Variants in RBFOX1 observed in about 807,000 individuals in gnomAD.
RBFOX1 encodes RNA binding fox-1 homolog 1, also known as RNA binding protein fox-1 homolog 1.
In RBFOX1, 8 loss-of-function variants were observed where a neutral mutation model predicts 57.7. That is an observed-to-expected ratio of 0.14 (90% CI 0.08 to 0.25). The LOEUF (loss-of-function observed/expected upper bound fraction) is 0.25, where lower values mean the gene tolerates loss of function less well. Among genes scored for constraint, RBFOX1 ranks in the 10% least tolerant of loss-of-function variants. RBFOX1 has a pLI of 1.00. For missense variants in RBFOX1, 611 were observed against 548.5 expected (o/e 1.11, Z -1.14); for synonymous variants, 326 against 222.4 (o/e 1.47, Z -4.15).
intron 1 of RBFOX1, among the ~76,000 whole-genome samples, chr16:6,054,992 C>A (rs1567344139): frequency 6.6e-6 from 1 of 151,944 alleles, no homozygotes; most frequent in East Asian, 1.9e-4. Context: ...CCATGTTGGC[C>A]AGGATTGTCT....
chr16:6,440,883 G>C (rs149356257), intron 2 of RBFOX1, among the ~76,000 whole-genome samples: 502 of 152,010 alleles, frequency 3.3e-3, no homozygotes, highest in African/African-American at 0.012. Flanking sequence ...ACAGTGAACA[G>C]TATGGATGAG....
At chr16:5,530,505 C>G (rs1331162717) in intron 2 of RBFOX1, among the ~76,000 whole-genome samples, 3 of 152,188 alleles carry the variant, frequency 2.0e-5, no homozygotes, top group African/African-American at 7.2e-5. Flanking sequence ...TCAAGCTAAA[C>G]TGTAAACATT....
chr16:7,422,627 G>C (rs1429626373), intron 4 of RBFOX1, among the ~76,000 whole-genome samples: 1 of 152,130 alleles, frequency 6.6e-6, no homozygotes, highest in African/African-American at 2.4e-5. Context: ...TCATCTTCCA[G>C]GGGTTTGTGA....
intron 4 of RBFOX1, among the ~76,000 whole-genome samples, chr16:5,981,265 G>C (rs189153106): frequency 1.1e-3 from 164 of 152,308 alleles, no homozygotes; most frequent in Non-Finnish European, 1.9e-3. Flanking sequence ...GGCTGGGCTG[G>C]ATCTTTGGGG....
intron 3 of RBFOX1, among the ~76,000 whole-genome samples, chr16:6,984,733 C>G (rs138874970): frequency 6.6e-6 from 1 of 152,206 alleles, no homozygotes; most frequent in South Asian, 2.1e-4. Context: ...CTCTGCCTCC[C>G]AGGTTCATGA....
chr16:6,148,503 A>T (rs2096775161), intron 1 of RBFOX1, among the ~76,000 whole-genome samples: 2 of 152,180 alleles, frequency 1.3e-5, no homozygotes, highest in South Asian at 4.1e-4. Context: ...TTCTTCTTTG[A>T]GTCTCAGGTT....
intron 1 of RBFOX1, among the ~76,000 whole-genome samples, chr16:5,328,124 T>C (rs1020368572): frequency 3.3e-5 from 5 of 152,294 alleles, no homozygotes; most frequent in East Asian, 1.9e-4. Flanking sequence ...GTGCCTGTTA[T>C]GGGCTGAATT....
chr16:7,014,167 C>T (rs936279046), intron 3 of RBFOX1, among the ~76,000 whole-genome samples: 1 of 151,988 alleles, frequency 6.6e-6, no homozygotes, highest in Non-Finnish European at 1.5e-5. Flanking sequence ...GGTGCTGAAA[C>T]TTTGACAAAT....
At chr16:6,060,666 A>G (rs1218222202) in intron 1 of RBFOX1, among the ~76,000 whole-genome samples, 1 of 152,146 alleles carries the variant, frequency 6.6e-6, no homozygotes, top group Non-Finnish European at 1.5e-5. Context: ...GTAACTTCAA[A>G]CCACTCGTAC....
At chr16:7,583,712 G>A (rs565919469) in intron 6 of RBFOX1, among the ~76,000 whole-genome samples, 1 of 152,230 alleles carries the variant, frequency 6.6e-6, no homozygotes, top group East Asian at 1.9e-4. Flanking sequence ...GCATGATGGT[G>A]GCTTATACCT....
At chr16:5,439,594 G>A (rs746278224) in intron 1 of RBFOX1, among the ~76,000 whole-genome samples, 1 of 152,040 alleles carries the variant, frequency 6.6e-6, no homozygotes, top group African/African-American at 2.4e-5. Context: ...GAGAAAGGAC[G>A]TCTCTGAGAT....
upstream of RBFOX1, among the ~76,000 whole-genome samples, chr16:6,016,738 C>T (rs1027903434): frequency 2.6e-5 from 4 of 152,138 alleles, no homozygotes; most frequent in African/African-American, 9.7e-5. Context: ...GATTCTTGGC[C>T]CTAGGTTGTC....
At chr16:6,976,974 C>T (rs570423126) in intron 3 of RBFOX1, among the ~76,000 whole-genome samples, 1 of 142,518 alleles carries the variant, frequency 7.0e-6, no homozygotes. Context: ...TATCCTATAT[C>T]ACATATCATA....
At chr16:6,122,636 G>A (rs981580879) in intron 1 of RBFOX1, among the ~76,000 whole-genome samples, 6 of 152,098 alleles carry the variant, frequency 3.9e-5, no homozygotes, top group African/African-American at 1.4e-4. Flanking sequence ...ACTGACAGTG[G>A]GTGGCCAATG....
At chr16:7,228,617 C>A (rs1263174486) in intron 4 of RBFOX1, among the ~76,000 whole-genome samples, 2 of 152,170 alleles carry the variant, frequency 1.3e-5, no homozygotes, top group African/African-American at 4.8e-5. Context: ...TGATTCAAAT[C>A]TTGGGCTAGA....
At chr16:6,086,265 A>G (rs1450366701) in intron 1 of RBFOX1, among the ~76,000 whole-genome samples, 1 of 151,668 alleles carries the variant, frequency 6.6e-6, no homozygotes, top group East Asian at 1.9e-4. Context: ...TTGGAAGGGA[A>G]CCCCTAGATG....
chr16:6,924,373 G>A (rs1472841031), intron 3 of RBFOX1, among the ~76,000 whole-genome samples: 1 of 151,906 alleles, frequency 6.6e-6, no homozygotes, highest in East Asian at 1.9e-4. Flanking sequence ...CAAGAGAGAG[G>A]GGAGGAGGTG....
chr16:5,248,266 G>A (rs1363021399), intron 1 of RBFOX1, among the ~76,000 whole-genome samples: 1 of 152,262 alleles, frequency 6.6e-6, no homozygotes, highest in African/African-American at 2.4e-5. Flanking sequence ...ATATTTAAGT[G>A]TTTGCCTCAA....
At chr16:5,906,727 CTTTTTTTTTTTT>C (rs57589514) in intron 4 of RBFOX1, among the ~76,000 whole-genome samples, 3 of 71,490 alleles carry the variant, frequency 4.2e-5, no homozygotes, top group African/African-American at 5.4e-5. Context: ...ATCCTAGATT[CTTTTTTTTTTTT>C]TTTTTTTTTT....
Sources: gnomAD v4.1 joint callset for allele counts (sites outside exome capture counted in the v4.1 genomes callset) on GRCh38, gnomAD v4.1.1 for gene constraint, MANE v1.5 for transcripts, NCBI Gene and HGNC (gene_info 2026-07-23, HGNC 2026-07-21) for gene names.